Variants in NRXN3 observed in about 807,000 individuals in gnomAD.
NRXN3 encodes neurexin 3.
A neutral mutation model predicts 137.6 loss-of-function variants in NRXN3; 32 were observed. That is an observed-to-expected ratio of 0.23 (90% CI 0.18 to 0.31). NRXN3 has a LOEUF of 0.31. Among genes scored for constraint, NRXN3 ranks in the 10% least tolerant of loss-of-function variants. NRXN3 has a pLI of 1.00. For synonymous variants in NRXN3, 798 were observed against 784.5 expected (o/e 1.02, Z -0.29); for missense variants, 1,574 against 2,062.5 (o/e 0.76, Z 4.59).
At chr14:79,008,634 T>A (rs2099560999) in intron 15 of NRXN3, among the ~76,000 whole-genome samples, 1 of 151,766 alleles carries the variant, frequency 6.6e-6, no homozygotes, top group South Asian at 2.1e-4. Flanking sequence ...TGAATCTGAT[T>A]TTTTTTCTTT....
intron 19 of NRXN3, among the ~76,000 whole-genome samples, chr14:79,797,481 C>G (rs571832992): frequency 4.6e-5 from 7 of 151,562 alleles, no homozygotes; most frequent in Non-Finnish European, 1.0e-4. Context: ...GACTAGAATT[C>G]TGTCCCTTCA....
intron 15 of NRXN3, among the ~76,000 whole-genome samples, chr14:79,272,375 A>G (rs898844703): frequency 3.3e-5 from 5 of 152,292 alleles, no homozygotes; most frequent in African/African-American, 4.8e-5. Flanking sequence ...AGTGAAGGAC[A>G]GGGGCTGCGG....
intron 4 of NRXN3, among the ~76,000 whole-genome samples, chr14:78,557,562 G>A (rs748586008): frequency 3.7e-4 from 56 of 152,306 alleles, no homozygotes; most frequent in Admixed American, 8.5e-4. Context: ...ACCAAGATGC[G>A]TAAAGTTCCT....
intron 19 of NRXN3, among the ~76,000 whole-genome samples, chr14:79,770,172 A>G (rs1384624420): frequency 3.3e-5 from 5 of 152,064 alleles, no homozygotes; most frequent in Admixed American, 3.3e-4. Flanking sequence ...CACATTAATA[A>G]TGGGAGATTT....
chr14:79,867,823 A>ACTC lies in NRXN3; in HGVS notation c.*5859_*5860insCTC. The ACTC allele has an allele frequency of 6.6e-6, 1 of 152,268 alleles. No individual in the cohort carries two copies. The highest frequency in any genetic ancestry group is 1.9e-4 in the East Asian group (1 of 5,200). 9.4% of individuals were successfully genotyped at this position (152,268 alleles called of 1,614,324 possible). ...GCCACAGAGCAGGTAGGATCACGTG[A>ACTC]GTAGGGCCCAGGATAGAAGAGCAGT... On this transcript the variant is annotated 3_prime_UTR_variant, in exon 21 of 21. Coordinates refer to ENST00000335750, the MANE Select transcript of NRXN3 (RefSeq NM_001330195.2).
chr14:79,795,723 T>C (rs1390167005), intron 19 of NRXN3, among the ~76,000 whole-genome samples: 1 of 152,236 alleles, frequency 6.6e-6, no homozygotes, highest in Non-Finnish European at 1.5e-5. Flanking sequence ...GATATACTTT[T>C]TTTTTCACAG....
rs533179768 is a variant in NRXN3, at chr14:79,773,426, C to T, written c.4015-31686C>T. Among the ~76,000 whole-genome samples, 7 of 152,194 alleles carry T rather than the reference C, an allele frequency of 4.6e-5. No individual in the cohort carries two copies. In the South Asian group the frequency reaches 6.2e-4, roughly 14 times the overall value. ...AGATTAAGAAAATGTGGCACATATACACCATGGAATACTATGCAGCCATAA... is the reference window on the plus strand; with the variant it reads ...AGATTAAGAAAATGTGGCACATATATACCATGGAATACTATGCAGCCATAA... On this transcript the variant is annotated intron_variant, in intron 19 of 20. Transcript: ENST00000335750.
intron 4 of NRXN3, among the ~76,000 whole-genome samples, chr14:78,370,561 C>G (rs1186719620): frequency 6.6e-6 from 1 of 152,152 alleles, no homozygotes; most frequent in African/African-American, 2.4e-5. Flanking sequence ...TTTCCTAGTA[C>G]ACATCATAAT....
chr14:78,865,011 G>A (rs2099082946), intron 10 of NRXN3, among the ~76,000 whole-genome samples: 1 of 152,168 alleles, frequency 6.6e-6, no homozygotes, highest in South Asian at 2.1e-4. Flanking sequence ...TTCTGCTTCT[G>A]CTGCTTTCTC....
intron 2 of NRXN3, among the ~76,000 whole-genome samples, chr14:78,266,127 C>CT (rs879418785): frequency 2.6e-5 from 4 of 152,270 alleles, no homozygotes; most frequent in East Asian, 3.9e-4. Context: ...GAAACACCTC[C>CT]TTTTTTTGTT....
intron 15 of NRXN3, among the ~76,000 whole-genome samples, chr14:79,211,477 A>G (rs539881217): frequency 1.1e-3 from 164 of 152,260 alleles, no homozygotes; most frequent in African/African-American, 3.7e-3. Context: ...TGCTTTGTCC[A>G]CCTTATGTAA....
In NRXN3 at chr14:79,863,639, T is replaced by G. The variant is rs1375219855; in HGVS notation, c.*1675T>G. ...TTTTTCCTGTTTATTTCTGTTTGGT[T>G]TATATTCTGGTTGTCTTTTTCTTTT... On this transcript the variant is annotated 3_prime_UTR_variant, in exon 21 of 21. Coordinates refer to ENST00000335750, the MANE Select transcript of NRXN3 (RefSeq NM_001330195.2). 6.6e-6 allele frequency: 1 copy of G among 152,638 alleles called. No homozygotes were observed. The highest frequency in any genetic ancestry group is 1.5e-5 in the Non-Finnish European group (1 of 68,034). 9.5% of individuals were successfully genotyped at this position (152,638 alleles called of 1,614,324 possible). A position where few individuals can be genotyped will look rare whatever the true frequency, so the allele number is the denominator to read the frequency against.
At chr14:78,993,704 G>T (rs1359719255) in intron 15 of NRXN3, among the ~76,000 whole-genome samples, 1 of 152,072 alleles carries the variant, frequency 6.6e-6, no homozygotes, top group Admixed American at 6.6e-5. Flanking sequence ...ATATGAAGGT[G>T]CTTCAGTAGA....
intron 8 of NRXN3, among the ~76,000 whole-genome samples, chr14:78,717,497 T>C (rs2098439428): frequency 6.6e-6 from 1 of 152,154 alleles, no homozygotes; most frequent in South Asian, 2.1e-4. Flanking sequence ...CTACTAATTG[T>C]TTTTTGCCCC....
intron 4 of NRXN3, among the ~76,000 whole-genome samples, chr14:78,575,878 C>T (rs940235308): frequency 6.6e-6 from 1 of 152,146 alleles, no homozygotes; most frequent in African/African-American, 2.4e-5. Flanking sequence ...TCAAATTCTC[C>T]TACTGCAATC....
chr14:79,282,641 A>T (rs2153446706), intron 15 of NRXN3, among the ~76,000 whole-genome samples: 1 of 152,230 alleles, frequency 6.6e-6, no homozygotes, highest in Admixed American at 6.5e-5. Flanking sequence ...TCATTAACCT[A>T]CATCTGATAA....
chr14:78,315,053 C>T (rs1389161708), intron 4 of NRXN3, among the ~76,000 whole-genome samples: 1 of 149,942 alleles, frequency 6.7e-6, no homozygotes, highest in East Asian at 2.0e-4. Context: ...GCTCTGTCAC[C>T]CAGGCTGGAG....
chr14:78,423,937 G>A (rs1395742813), intron 4 of NRXN3, among the ~76,000 whole-genome samples: 2 of 152,302 alleles, frequency 1.3e-5, no homozygotes, highest in African/African-American at 2.4e-5. Flanking sequence ...ATGAACAAGC[G>A]TCTGCAAAAA....
intron 4 of NRXN3, among the ~76,000 whole-genome samples, chr14:78,463,118 A>G (rs1171579638): frequency 6.6e-6 from 1 of 152,166 alleles, no homozygotes; most frequent in East Asian, 1.9e-4. Flanking sequence ...CTGTTTCTGA[A>G]ATAGTTCACT....
Sources: gnomAD v4.1 joint callset for allele counts (sites outside exome capture counted in the v4.1 genomes callset) on GRCh38, gnomAD v4.1.1 for gene constraint, MANE v1.5 for transcripts, NCBI Gene and HGNC (gene_info 2026-07-23, HGNC 2026-07-21) for gene names.